Variants in VPS8 observed in about 807,000 individuals in gnomAD.
VPS8 encodes vacuolar protein sorting-associated protein 8 homolog.
In VPS8, 129 loss-of-function variants were observed where a neutral mutation model predicts 216.4. That is an observed-to-expected ratio of 0.60 (90% confidence interval 0.52 to 0.69). The LOEUF (loss-of-function observed/expected upper bound fraction) is 0.69, where lower values mean the gene tolerates loss of function less well. VPS8 is among the 30% of genes least tolerant of loss of function. The pLI is 0.00. For missense variants in VPS8, 1,531 were observed against 1,683.5 expected (o/e 0.91, Z 1.59); for synonymous variants, 571 against 565.4 (o/e 1.01, Z -0.14).
At position 185,024,372 on chromosome 3, in the gene VPS8, G is replaced by T. The variant is rs1347534684; in HGVS notation, c.4039G>T (p.Asp1347Tyr). The T allele has an allele frequency of 6.3e-7, 1 of 1,598,514 alleles. No homozygotes were observed. Among genetic ancestry groups the T allele is most frequent in the Non-Finnish European group, 8.5e-7 (1 of 1,171,796 alleles). ...TCCATCGTATCATCAGTCCAAAGGGGATCCCACTGCTAAAAAGGTGAGTTT... is the reference window on the plus strand; with the variant it reads ...TCCATCGTATCATCAGTCCAAAGGGTATCCCACTGCTAAAAAGGTGAGTTT... ...MSPSYHQSKG[D>Y]PTAKKGTSEP... Residue 1347 changes from aspartate to tyrosine, a missense_variant, in exon 46 of 48, where the codon GAT becomes TAT. Physicochemically the swap from Asp to Tyr is radical, Grantham distance 160. Transcript: ENST00000625842.
intron 21 of VPS8, 117 bp downstream of exon 21, chr3:184,870,922 A>G (rs1462745166): frequency 8.3e-6 from 7 of 845,826 alleles, no homozygotes; most frequent in Non-Finnish European, 1.3e-5. Context: ...AGTATTCAAA[A>G]CTTTATTTCA....
chr3:185,007,701 G>GC (rs1401615335), intron 45 of VPS8, among the ~76,000 whole-genome samples: 1 of 152,082 alleles, frequency 6.6e-6, no homozygotes, highest in Non-Finnish European at 1.5e-5. Flanking sequence ...AACCAACTGA[G>GC]TTTTTCCCCA....
In VPS8 at chr3:184,981,594, T is replaced by C. The variant is rs367887777; in HGVS notation, c.3421-972T>C. Among the ~76,000 whole-genome samples the C allele has an allele frequency of 3.1e-4, 47 of 152,044 alleles. 1 individual carries two copies. The South Asian group carries it at 9.6e-3, about 31-fold the overall frequency. ...GATTACAGGCACCTGCCACCACGCC[T>C]GGCTAATTTTTTTGTATTTTTAGTA... On this transcript the variant is annotated intron_variant, in intron 40 of 47. Transcript: ENST00000625842.
intron 42 of VPS8, among the ~76,000 whole-genome samples, chr3:184,986,196 A>C (rs533973762): frequency 6.6e-6 from 1 of 152,210 alleles, no homozygotes; most frequent in African/African-American, 2.4e-5. Context: ...AAAGAGTCTA[A>C]GGAAATCAAG....
rs114648846 is a variant in VPS8 at position 184,815,255 on chromosome 3, C to T, written c.-89+3030C>T. 3.6e-3 allele frequency among the ~76,000 whole-genome samples: 550 copies of T among 152,282 alleles called. 2 individuals are homozygous for T. The highest frequency in any genetic ancestry group is 6.7e-3 in the Non-Finnish European group (459 of 68,034). ...AGGATAGCAAATACATAAACTGGCA[C>T]ATAGTTTATTATCAAGTATTATGTA... is the stretch of plus-strand genomic sequence containing the variant. On this transcript the variant is annotated intron_variant, in intron 1 of 47. Coordinates refer to ENST00000625842, the MANE Select transcript of VPS8 (RefSeq NM_001009921.3).
At chr3:184,871,533 CCTTT>C (rs1191830777) in intron 21 of VPS8, among the ~76,000 whole-genome samples, 1 of 151,982 alleles carries the variant, frequency 6.6e-6, no homozygotes, top group Non-Finnish European at 1.5e-5. Flanking sequence ...TCTTTTTCTT[CCTTT>C]CTTTTGTTTT....
intron 25 of VPS8, among the ~76,000 whole-genome samples, chr3:184,909,151 TGCCCAA>T (rs1362377667): frequency 1.3e-5 from 2 of 152,232 alleles, no homozygotes; most frequent in Non-Finnish European, 2.9e-5. Context: ...TTTTCACAGC[TGCCCAA>T]GTTGTAAGGC....
intron 47 of VPS8, among the ~76,000 whole-genome samples, chr3:185,051,662 T>C (rs907644124): frequency 6.6e-6 from 1 of 152,154 alleles, no homozygotes; most frequent in Non-Finnish European, 1.5e-5. Flanking sequence ...CCAGTCTCAT[T>C]ATTGAATGAG....
intron 20 of VPS8, 149 bp from the exon 21 acceptor site, chr3:184,870,566 GT>G: frequency 1.6e-6 from 1 of 625,790 alleles, no homozygotes; most frequent in Non-Finnish European, 2.8e-6. Context: ...TGAGGCTAGA[GT>G]TTTAAAAAGT....
chr3:184,861,045 A>G (rs1726279592), intron 15 of VPS8, among the ~76,000 whole-genome samples: 3 of 151,578 alleles, frequency 2.0e-5, no homozygotes, highest in South Asian at 2.1e-4. Flanking sequence ...GATGGTCTCA[A>G]TCTCCTGACC....
In VPS8 at chr3:184,929,618, A is replaced by G; in HGVS notation, c.2753A>G (p.Gln918Arg). 1 of 1,538,180 alleles carries G rather than the reference A, an allele frequency of 6.5e-7. No homozygotes were observed. Among genetic ancestry groups the G allele is most frequent in the African/African-American group, 1.4e-5 (1 of 72,740 alleles). Residue 918 changes from glutamine to arginine, a missense_variant, in exon 33 of 48, where the codon CAA (glutamine) becomes CGA (arginine). By Grantham distance (43) the Gln-to-Arg change is conservative (BLOSUM62 1). Coordinates refer to ENST00000625842, the MANE Select transcript of VPS8 (RefSeq NM_001009921.3). ...ICEFMYEREHQYDKIIDCYLR... is the reference protein window; with the variant it reads ...ICEFMYEREHRYDKIIDCYLR... ...GAATTTATGTATGAAAGAGAACACC[A>G]ATATGATAAAATTATTGATTGCTAC...
At chr3:184,877,293 G>A (rs1397584016) in intron 21 of VPS8, among the ~76,000 whole-genome samples, 1 of 152,140 alleles carries the variant, frequency 6.6e-6, no homozygotes, top group Non-Finnish European at 1.5e-5. Context: ...TGTATGTTTA[G>A]GGACCTGTGT....
rs566638060 is a variant in VPS8, at chr3:184,996,579, C to T, written c.3836+78C>T. 2.7e-6 allele frequency: 4 copies of T among 1,462,998 alleles called. No homozygotes were observed. In the South Asian group the frequency reaches 5.6e-5, roughly 20 times the overall value. 90.6% of individuals were successfully genotyped at this position (1,462,998 alleles called of 1,614,324 possible). ...TACCAGGCAAGAATCCACATGGATA[C>T]ACGGGTAGTCATTCTAGCAGTGAAC... On this transcript the variant is annotated intron_variant, in intron 44 of 47. Coordinates refer to ENST00000625842, the MANE Select transcript of VPS8 (RefSeq NM_001009921.3).
At chr3:184,991,652 T>C (rs1751913465) in intron 42 of VPS8, among the ~76,000 whole-genome samples, 1 of 152,192 alleles carries the variant, frequency 6.6e-6, no homozygotes, top group Admixed American at 6.5e-5. Flanking sequence ...AATATTATAA[T>C]AGATTTTTCT....
chr3:184,815,069 G>A (rs1016874470), intron 1 of VPS8, among the ~76,000 whole-genome samples: 3 of 151,972 alleles, frequency 2.0e-5, no homozygotes, highest in Non-Finnish European at 2.9e-5. Context: ...GGAAGGTCCC[G>A]GTGGAATGTC....
intron 15 of VPS8, among the ~76,000 whole-genome samples, chr3:184,860,456 T>C (rs1400163327): frequency 8.4e-6 from 1 of 119,024 alleles, no homozygotes; most frequent in Non-Finnish European, 1.7e-5. Flanking sequence ...TATATGTATG[T>C]ATACACACAC....
intron 36 of VPS8, among the ~76,000 whole-genome samples, chr3:184,953,781 T>C (rs1192870449): frequency 2.6e-5 from 4 of 152,212 alleles, no homozygotes; most frequent in African/African-American, 9.6e-5. Flanking sequence ...GCTAGATGCC[T>C]GGAATTTCCC....
intron 14 of VPS8, among the ~76,000 whole-genome samples, chr3:184,858,808 C>T (rs1577934399): frequency 6.6e-6 from 1 of 152,262 alleles, no homozygotes; most frequent in East Asian, 1.9e-4. Context: ...TTTGCTCTTG[C>T]CTGGTCTGCA....
chr3:184,992,827 G>C (rs1198566801), intron 42 of VPS8, among the ~76,000 whole-genome samples: 2 of 152,002 alleles, frequency 1.3e-5, no homozygotes, highest in Non-Finnish European at 2.9e-5. Context: ...ATGCTGATGG[G>C]GATAAAAATC....
Sources: allele counts gnomAD v4.1 joint callset (sites outside exome capture counted in the v4.1 genomes callset), GRCh38; gene constraint gnomAD v4.1.1; transcripts MANE v1.5; gene names NCBI Gene and HGNC (gene_info 2026-07-23, HGNC 2026-07-21).